The following PRKCD variants were observed in gnomAD, a reference collection of about 807,000 sequenced individuals.
PRKCD encodes the protein protein kinase C delta, also known as protein kinase C delta type.
In PRKCD, 20 loss-of-function variants were observed where a neutral mutation model predicts 82.2. The ratio of observed to expected loss-of-function variants is 0.24; its 90% CI spans 0.17 to 0.35. The LOEUF is 0.35. Ranked by LOEUF, PRKCD falls within the 10% of genes least tolerant of loss-of-function variation. The pLI is 1.00. For missense variants in PRKCD, 607 were observed against 899.0 expected, an observed-to-expected ratio of 0.68 and a Z score of 4.15; for synonymous variants, 317 against 337.0, an observed-to-expected ratio of 0.94 and a Z score of 0.65.
intron 2 of PRKCD, among the ~76,000 whole-genome samples, chr3:53,177,054 T>C (rs1363723160): frequency 6.6e-6 from 1 of 152,182 alleles, no homozygotes; most frequent in African/African-American, 2.4e-5. Context: ...GGTCTCGAAC[T>C]CCTGACCTCA....
intron 10 of PRKCD, among the ~76,000 whole-genome samples, chr3:53,185,222 CTT>C (rs1703628812): frequency 1.3e-5 from 2 of 152,188 alleles, no homozygotes; most frequent in South Asian, 4.1e-4. Flanking sequence ...TGTTGGAACA[CTT>C]TGAACTAAGA....
intron 18 of PRKCD, among the ~76,000 whole-genome samples, chr3:53,190,986 T>A (rs1184869539): frequency 6.6e-6 from 1 of 152,138 alleles, no homozygotes; most frequent in Non-Finnish European, 1.5e-5. Flanking sequence ...CCCTTGTCAG[T>A]GGGGCAGGGG....
chr3:53,162,319 C>T (rs1478303778), intron 1 of PRKCD, among the ~76,000 whole-genome samples: 1 of 151,944 alleles, frequency 6.6e-6, no homozygotes, highest in Admixed American at 6.6e-5. Context: ...AAGGAGAGCA[C>T]CATCGGAACT....
chr3:53,176,499 G>T (rs13087091), intron 2 of PRKCD, among the ~76,000 whole-genome samples: 2 of 152,276 alleles, frequency 1.3e-5, no homozygotes, highest in Non-Finnish European at 2.9e-5. Flanking sequence ...GCATGCACAC[G>T]TGTGTGTCTG....
chr3:53,183,974 A>AC (rs11447467), intron 9 of PRKCD, among the ~76,000 whole-genome samples: 137,164 of 152,214 alleles, frequency 0.9, 63,352 homozygotes, highest in Non-Finnish European at 1. Context: ...GCTTAAGTTG[A>AC]CCAGATGTTC....
At chr3:53,183,060 T>C in intron 7 of PRKCD, 61 bp from the exon 8 acceptor site, 1 of 1,555,636 alleles carries the variant, frequency 6.4e-7, no homozygotes, top group Non-Finnish European at 8.9e-7. Flanking sequence ...AGGCACCAGC[T>C]CATAGACTCT....
At chr3:53,178,623 C>A in intron 3 of PRKCD, 86 bp downstream of exon 3, 1 of 1,141,524 alleles carries the variant, frequency 8.8e-7, no homozygotes, top group Non-Finnish European at 1.2e-6. Flanking sequence ...TTGTTCCCTG[C>A]AACCTCTGAA....
intron 13 of PRKCD, 87 bp downstream of exon 13, chr3:53,186,427 C>T: frequency 3.3e-6 from 5 of 1,518,064 alleles, no homozygotes; most frequent in Non-Finnish European, 4.5e-6. Context: ...TGTGTCTCCC[C>T]TTCAGGCCAC....
intron 8 of PRKCD, 23 bp downstream of exon 8, chr3:53,183,229 G>T (rs782730210): frequency 1.2e-6 from 2 of 1,612,272 alleles, no homozygotes; most frequent in Admixed American, 1.7e-5. Flanking sequence ...CCGGGGCAGG[G>T]CTGGGGATCT....
chr3:53,169,307 G>T lies in PRKCD; in HGVS notation c.-20+4092G>T, dbSNP rs568323217. Among the ~76,000 whole-genome samples, 25 of 152,276 alleles carry T rather than the reference G, an allele frequency of 1.6e-4. No homozygotes were observed. Among genetic ancestry groups the T allele is most frequent in the Non-Finnish European group, 1.6e-4 (11 of 68,018 alleles). On this transcript the variant is annotated intron_variant, in intron 2 of 18. Transcript: ENST00000330452. This position sits in a 1 kb window ranked among gnomAD's most constrained non-coding sequence, Gnocchi z 4.7. ...AAGTTCAGGAGGGTCTGGGCCCAAAGTAGAGACGGGAGCCTAAAGCCAGGA... is the reference window on the plus strand; with the variant it reads ...AAGTTCAGGAGGGTCTGGGCCCAAATTAGAGACGGGAGCCTAAAGCCAGGA...
At position 53,178,478 on chromosome 3, in the gene PRKCD, C is replaced by A. The variant is rs2107253193; in HGVS notation, c.56C>A (p.Ala19Asp). Reference sequence around the variant, plus strand: ...TCCTATGAGCTGGGCTCCCTGCAGGCCGAGGACGAGGCGAACCAGCCCTTC... The same window carrying A: ...TCCTATGAGCTGGGCTCCCTGCAGGACGAGGACGAGGCGAACCAGCCCTTC... Reference protein sequence around the residue: ...FNSYELGSLQAEDEANQPFCA... With the variant: ...FNSYELGSLQDEDEANQPFCA... Residue 19 changes from alanine (A) to aspartate (D), a missense_variant, in exon 3 of 19, where the codon GCC becomes GAC. Physicochemically the swap from Ala to Asp is moderately radical, Grantham distance 126. This residue lies in a region of PRKCD where 161 missense variants were observed against 227.0 expected (regional missense o/e 0.71). Transcript: ENST00000330452. 5 of 1,613,152 alleles carry A rather than the reference C, an allele frequency of 3.1e-6. No homozygotes were observed. Among genetic ancestry groups the A allele is most frequent in the Non-Finnish European group, 4.2e-6 (5 of 1,179,920 alleles).
intron 3 of PRKCD, among the ~76,000 whole-genome samples, chr3:53,179,123 C>A (rs1237109491): frequency 4.6e-5 from 7 of 152,252 alleles, no homozygotes; most frequent in Admixed American, 4.6e-4. Flanking sequence ...CCCTGTAGCA[C>A]TACCAGCCTT....
rs782247216 is a variant in PRKCD at position 53,186,021 on chromosome 3, C to T, written c.1080C>T (p.Phe360=). The T allele has an allele frequency of 2.2e-5, 35 of 1,614,050 alleles. No homozygotes were observed. Among genetic ancestry groups the T allele is most frequent in the Middle Eastern group, 1.6e-4 (1 of 6,084 alleles). ...IFHKVLGKGS[F]GKVLLGELKG... Reference sequence around the variant, plus strand: ...ACAAGGTCCTGGGCAAAGGCAGCTTCGGGAAGGTGAGGGCTGTGAGCCGGG... The same window carrying T: ...ACAAGGTCCTGGGCAAAGGCAGCTTTGGGAAGGTGAGGGCTGTGAGCCGGG... The change falls in exon 12 of 19, where the codon TTC becomes TTT. Residue 360 remains phenylalanine (F), a synonymous_variant. Transcript: ENST00000330452.
chr3:53,179,510 C>T (rs778780380), intron 3 of PRKCD, 67 bp from the exon 4 acceptor site: 10 of 1,593,930 alleles, frequency 6.3e-6, no homozygotes, highest in East Asian at 2.2e-5. Flanking sequence ...AGGGGAAGGC[C>T]GTGGAGGTCT....
rs1702649070 is a variant in PRKCD, at chr3:53,161,370, G to A, written c.-190G>A. On this transcript the variant is annotated 5_prime_UTR_variant, in exon 1 of 19. Transcript: ENST00000330452. ...CGCCGAACCCCGTCCGCGCGCGCCG[G>A]GGAGCGGCGCCCCCGCCGCTGCCGC... The A allele has an allele frequency of 6.6e-6, 1 of 150,388 alleles. No individual in the cohort carries two copies. Among genetic ancestry groups the A allele is most frequent in the Admixed American group, 6.6e-5 (1 of 15,104 alleles). The allele number at this position is 150,388 out of a possible 1,614,324, so 9.3% of individuals were successfully genotyped here. A position where few individuals can be genotyped will look rare whatever the true frequency, so the allele number is the denominator to read the frequency against.
intron 14 of PRKCD, among the ~76,000 whole-genome samples, chr3:53,186,931 C>T (rs1703720652): frequency 6.6e-6 from 1 of 152,178 alleles, no homozygotes; most frequent in East Asian, 1.9e-4. Flanking sequence ...CCTGGCCGCT[C>T]CGTGGGCCAC....
chr3:53,187,292 G>T (rs782701669), intron 14 of PRKCD, 48 bp from the exon 15 acceptor site: 1 of 1,607,660 alleles, frequency 6.2e-7, no homozygotes, highest in South Asian at 1.1e-5. Flanking sequence ...AGAAGCAGAG[G>T]CTGCTCGGCA....
At chr3:53,189,592 G>T (rs879996753) in intron 17 of PRKCD, among the ~76,000 whole-genome samples, 1 of 152,208 alleles carries the variant, frequency 6.6e-6, no homozygotes, top group Admixed American at 6.5e-5. Flanking sequence ...GAGTTGTTGG[G>T]AAGAAAATAG....
At chr3:53,173,330 GTTTCCA>G (rs1381914759) in intron 2 of PRKCD, among the ~76,000 whole-genome samples, 3 of 152,280 alleles carry the variant, frequency 2.0e-5, no homozygotes, top group African/African-American at 7.2e-5. Context: ...CTGGGAACAG[GTTTCCA>G]TTTGTCCCAG....
Sources: gnomAD v4.1 joint callset for allele counts (sites outside exome capture counted in the v4.1 genomes callset) on GRCh38, gnomAD v4.1.1 for gene constraint, gnomAD v4.1.1 regional missense constraint, Gnocchi (gnomAD v3.1) non-coding constraint, MANE v1.5 for transcripts, NCBI Gene and HGNC (gene_info 2026-07-23, HGNC 2026-07-21) for gene names.